KCNMB2: variants seen among roughly 807,000 people sequenced by gnomAD.
The protein encoded by KCNMB2 is calcium-activated potassium channel subunit beta-2.
KCNMB2 carries 9 observed loss-of-function variants against 24.5 expected under a neutral mutation model. That is an observed-to-expected ratio of 0.37 (90% CI 0.22 to 0.64). The LOEUF (loss-of-function observed/expected upper bound fraction) is 0.64. Among genes scored for constraint, KCNMB2 ranks in the 30% least tolerant of loss-of-function variants. The pLI is 0.63. For missense variants in KCNMB2, 226 were observed against 284.3 expected (o/e 0.79, Z 1.47); for synonymous variants, 109 against 104.4 (o/e 1.04, Z -0.27).
chr3:178,702,798 C>T (rs1201516892), intron 1 of KCNMB2, among the ~76,000 whole-genome samples: 4 of 149,226 alleles, frequency 2.7e-5, no homozygotes, highest in Non-Finnish European at 6.0e-5. Flanking sequence ...AGGGCAGATA[C>T]GCCAGACATT....
rs958136383 is a variant in KCNMB2 at position 178,783,429 on chromosome 3, G to T, written c.-67-23914G>T. Reference sequence around the variant, plus strand: ...TTGATTCTTCCTACCCAGGAGCATGGAATGTTCTTCCATTTGTTTGTATCC... The same window carrying T: ...TTGATTCTTCCTACCCAGGAGCATGTAATGTTCTTCCATTTGTTTGTATCC... On this transcript the variant is annotated intron_variant, in intron 1 of 4. Coordinates refer to ENST00000452583, the MANE Select transcript of KCNMB2 (RefSeq NM_181361.3). 3.2e-4 allele frequency among the ~76,000 whole-genome samples: 49 copies of T among 151,304 alleles called. 1 individual carries two copies. The South Asian group carries it at 0.01, about 31-fold the overall frequency.
rs959491351 is a variant in KCNMB2, at chr3:178,733,726, G to A, written c.-67-73617G>A. Among the ~76,000 whole-genome samples the A allele has an allele frequency of 2.6e-5, 4 of 152,106 alleles. No individual in the cohort carries two copies. In the South Asian group the frequency reaches 6.2e-4, roughly 24 times the overall value. On this transcript the variant is annotated intron_variant, in intron 1 of 4. Coordinates refer to ENST00000452583, the MANE Select transcript of KCNMB2 (RefSeq NM_181361.3). ...GATCTCCTGACCTCGTGATCCACCC[G>A]CCTCGGCCCCCCAAAGTGCTGGGAT...
At chr3:178,831,426 C>T (rs961442917) in intron 4 of KCNMB2, among the ~76,000 whole-genome samples, 2 of 152,076 alleles carry the variant, frequency 1.3e-5, no homozygotes, top group Non-Finnish European at 2.9e-5. Context: ...ATTGTTCTGC[C>T]ACAAAGACAC....
At chr3:178,750,915 A>C (rs111637199) in intron 1 of KCNMB2, among the ~76,000 whole-genome samples, 6 of 152,348 alleles carry the variant, frequency 3.9e-5, no homozygotes, top group African/African-American at 1.4e-4. Context: ...CTGCCTGAGT[A>C]CACCATAGCA....
chr3:178,545,648 T>C (rs894883708), intron 1 of KCNMB2, among the ~76,000 whole-genome samples: 1 of 152,214 alleles, frequency 6.6e-6, no homozygotes, highest in African/African-American at 2.4e-5. Context: ...TGGTTTTGCA[T>C]AAACATCTGA....
At chr3:178,623,378 C>G (rs1314970124) in intron 1 of KCNMB2, among the ~76,000 whole-genome samples, 1 of 152,200 alleles carries the variant, frequency 6.6e-6, no homozygotes, top group Non-Finnish European at 1.5e-5. Context: ...TATTCTACTA[C>G]CAAAGCCTCT....
At chr3:178,570,905 C>G (rs143901917) in intron 1 of KCNMB2, among the ~76,000 whole-genome samples, 1 of 152,098 alleles carries the variant, frequency 6.6e-6, no homozygotes, top group Non-Finnish European at 1.5e-5. Flanking sequence ...TCATAGGATG[C>G]AACCATTCAA....
chr3:178,740,126 CT>C (rs960688921), intron 1 of KCNMB2, among the ~76,000 whole-genome samples: 10 of 144,582 alleles, frequency 6.9e-5, no homozygotes, highest in African/African-American at 1.5e-4. Flanking sequence ...ACATTTTTTT[CT>C]TTTTTTTTTC....
At chr3:178,600,575 T>C (rs1379977930) in intron 1 of KCNMB2, among the ~76,000 whole-genome samples, 1 of 152,192 alleles carries the variant, frequency 6.6e-6, no homozygotes, top group African/African-American at 2.4e-5. Flanking sequence ...GAATTCTACA[T>C]AAGCACTTGA....
At chr3:178,713,165 C>T (rs1405726046) in intron 1 of KCNMB2, among the ~76,000 whole-genome samples, 5 of 152,210 alleles carry the variant, frequency 3.3e-5, no homozygotes, top group Non-Finnish European at 4.4e-5. Flanking sequence ...ACTGTAAGGA[C>T]TGAGAAAGCT....
chr3:178,551,093 A>C (rs777965143), intron 1 of KCNMB2, among the ~76,000 whole-genome samples: 1 of 152,224 alleles, frequency 6.6e-6, no homozygotes, highest in African/African-American at 2.4e-5. Flanking sequence ...GTGAGGATGC[A>C]GATTTTTCTT....
At chr3:178,625,269 C>T (rs1479008813) in intron 1 of KCNMB2, among the ~76,000 whole-genome samples, 1 of 152,084 alleles carries the variant, frequency 6.6e-6, no homozygotes, top group East Asian at 1.9e-4. Flanking sequence ...CAGAGAGAGG[C>T]AGGCAGGGGC....
At chr3:178,725,114 AT>A in intron 1 of KCNMB2, among the ~76,000 whole-genome samples, 1 of 152,222 alleles carries the variant, frequency 6.6e-6, no homozygotes, top group East Asian at 1.9e-4. Context: ...AAGTATGGAC[AT>A]TTTAACAATA....
intron 1 of KCNMB2, among the ~76,000 whole-genome samples, chr3:178,598,746 A>G (rs1013985111): frequency 3.3e-5 from 5 of 151,918 alleles, no homozygotes; most frequent in African/African-American, 1.2e-4. Flanking sequence ...CATTTGGTCC[A>G]TGTGTGGGGC....
chr3:178,539,713 GAA>G (rs1188982755), intron 1 of KCNMB2, among the ~76,000 whole-genome samples: 4 of 152,004 alleles, frequency 2.6e-5, no homozygotes, highest in East Asian at 1.9e-4. Flanking sequence ...GAAAAAAGGG[GAA>G]AGAGAGAGAG....
chr3:178,693,867 C>T (rs1721771033), intron 1 of KCNMB2, among the ~76,000 whole-genome samples: 1 of 147,196 alleles, frequency 6.8e-6, no homozygotes, highest in South Asian at 2.2e-4. Context: ...GTGAATCCAT[C>T]TGGTCCTGGG....
At chr3:178,721,970 G>C (rs1044305652) in intron 1 of KCNMB2, among the ~76,000 whole-genome samples, 2 of 152,052 alleles carry the variant, frequency 1.3e-5, no homozygotes, top group Non-Finnish European at 2.9e-5. Context: ...TCCTTTGTCA[G>C]ATATGTAATT....
chr3:178,589,177 T>C (rs1210014317), intron 1 of KCNMB2, among the ~76,000 whole-genome samples: 1 of 152,214 alleles, frequency 6.6e-6, no homozygotes, highest in Non-Finnish European at 1.5e-5. Context: ...ACCCCAGCGT[T>C]CTAACAGCTC....
In KCNMB2 at chr3:178,674,392, T is replaced by A. The variant is rs1164330868; in HGVS notation, c.-67-132951T>A. ...AAATATCTGGTTCCTCCAAGCCTAT[T>A]TCACCTACACTCATGTCTTCACCAT... On this transcript the variant is annotated intron_variant, in intron 1 of 4. Coordinates refer to ENST00000452583, the MANE Select transcript of KCNMB2 (RefSeq NM_181361.3). Among the ~76,000 whole-genome samples, 3 of 152,174 alleles carry A rather than the reference T, an allele frequency of 2.0e-5. No homozygotes were observed. In the East Asian group the frequency reaches 5.8e-4, roughly 29 times the overall value.
Sources: allele counts gnomAD v4.1 joint callset (sites outside exome capture counted in the v4.1 genomes callset), GRCh38; gene constraint gnomAD v4.1.1; transcripts MANE v1.5; gene names NCBI Gene and HGNC (gene_info 2026-07-23, HGNC 2026-07-21).